Variants in CHST15 observed in about 807,000 individuals in gnomAD.
CHST15 encodes the protein carbohydrate sulfotransferase 15, also known as B cell RAG associated protein (GALNAC4S-6ST).
CHST15 carries 30 observed loss-of-function variants against 53.6 expected under a neutral mutation model. The ratio of observed to expected loss-of-function variants is 0.56; its 90% confidence interval spans 0.42 to 0.76. The LOEUF (loss-of-function observed/expected upper bound fraction) is 0.76, where lower values mean the gene tolerates loss of function less well. CHST15 is among the 30% of genes least tolerant of loss of function. The probability of loss-of-function intolerance (pLI) is 0.00; values close to 1 mark genes in which losing one functional copy is unlikely to be tolerated. For synonymous variants in CHST15, 296 were observed against 289.8 expected (o/e 1.02, Z -0.22); for missense variants, 627 against 740.5 (o/e 0.85, Z 1.78).
Position 124,060,912 on chromosome 10 carries a change from G to A in CHST15, c.-512-14188C>T, listed in dbSNP as rs981044297. Among the ~76,000 whole-genome samples, 5 of 152,146 alleles carry A rather than the reference G, an allele frequency of 3.3e-5. No individual in the cohort carries two copies. In the East Asian group the frequency reaches 7.7e-4, roughly 23 times the overall value. ...GAAAGTTTGAGAAGCACTGGTGTAGGGAGAAAGGGAAAGGAACCAGGATGA... is the reference window on the plus strand; with the variant it reads ...GAAAGTTTGAGAAGCACTGGTGTAGAGAGAAAGGGAAAGGAACCAGGATGA... On this transcript the variant is annotated intron_variant, in intron 1 of 7. Transcript: ENST00000435907.
In CHST15 at chr10:124,008,279, C is replaced by A. The variant is rs951216371; in HGVS notation, c.*1870G>T. ...ATCTATAAAAGGGTTGTGTCCAGAG[C>A]GGAGGAGCCTCATTAGCAACTGAAC... On this transcript the variant is annotated 3_prime_UTR_variant, in exon 8 of 8. Coordinates refer to ENST00000435907, the MANE Select transcript of CHST15 (RefSeq NM_001270764.2). 9.5e-6 allele frequency: 11 copies of A among 1,157,014 alleles called. No homozygotes were observed. The highest frequency in any genetic ancestry group is 6.4e-5 in the African/African-American group (4 of 62,784). 71.7% of individuals were successfully genotyped at this position (1,157,014 alleles called of 1,614,324 possible). A position where few individuals can be genotyped will look rare whatever the true frequency, so the allele number is the denominator to read the frequency against.
intron 3 of CHST15, among the ~76,000 whole-genome samples, chr10:124,043,814 G>A (rs1423179370): frequency 6.6e-6 from 1 of 152,238 alleles, no homozygotes; most frequent in African/African-American, 2.4e-5. Flanking sequence ...GCTGAGGCCT[G>A]AAGCAACTCA....
At chr10:124,027,191 T>G (rs960747121) in intron 5 of CHST15, among the ~76,000 whole-genome samples, 1 of 152,126 alleles carries the variant, frequency 6.6e-6, no homozygotes, top group African/African-American at 2.4e-5. Context: ...CCCCTCACAC[T>G]GGGCCCGTGC....
intron 1 of CHST15, among the ~76,000 whole-genome samples, chr10:124,056,952 T>C (rs2134074752): frequency 6.6e-6 from 1 of 151,706 alleles, no homozygotes; most frequent in East Asian, 1.9e-4. Context: ...GGCCCAGGCC[T>C]GTACGACCGG....
chr10:124,086,641 G>T (rs1167850989), intron 1 of CHST15, among the ~76,000 whole-genome samples: 2 of 149,340 alleles, frequency 1.3e-5, no homozygotes, highest in Non-Finnish European at 3.0e-5. Context: ...ATCGCATGTG[G>T]ATTTCCACCT....
intron 6 of CHST15, among the ~76,000 whole-genome samples, chr10:124,015,819 G>T (rs1051145911): frequency 6.6e-6 from 1 of 152,234 alleles, no homozygotes; most frequent in Non-Finnish European, 1.5e-5. Flanking sequence ...TGTGATGCAT[G>T]CAATGGAGAA....
At chr10:124,086,875 C>T (rs969731947) in intron 1 of CHST15, among the ~76,000 whole-genome samples, 43 of 152,270 alleles carry the variant, frequency 2.8e-4, no homozygotes, top group African/African-American at 9.6e-4. Flanking sequence ...AGTAATGGGA[C>T]GAAGCAGCAC....
intron 1 of CHST15, among the ~76,000 whole-genome samples, chr10:124,058,046 C>G (rs1948439877): frequency 6.6e-6 from 1 of 152,124 alleles, no homozygotes; most frequent in South Asian, 2.1e-4. Context: ...TTTCTGAAAC[C>G]AAGTGGAGAG....
Position 124,036,666 on chromosome 10 carries a change from A to G in CHST15, c.1190+1849T>C, listed in dbSNP as rs1191707950. ...ACTGTCCTGTCACACCCATGTGCAC[A>G]CACACACACACACACACTTATTTGC... is the stretch of plus-strand genomic sequence containing the variant. On this transcript the variant is annotated intron_variant, in intron 5 of 7. Coordinates refer to ENST00000435907, the MANE Select transcript of CHST15 (RefSeq NM_001270764.2). This position sits in a 1 kb window ranked among gnomAD's most constrained non-coding sequence, Gnocchi z 5.1. Among the ~76,000 whole-genome samples, 1 of 151,876 alleles carries G rather than the reference A, an allele frequency of 6.6e-6. No individual in the cohort carries two copies. Among genetic ancestry groups the G allele is most frequent in the African/African-American group, 2.4e-5 (1 of 41,352 alleles).
intron 1 of CHST15, among the ~76,000 whole-genome samples, chr10:124,069,367 A>AC (rs60053494): frequency 0.016 from 2,259 of 141,894 alleles, 32 homozygotes; most frequent in African/African-American, 0.035. Context: ...TGTTTGGGGG[A>AC]CCCCCCCCCC....
At chr10:124,033,661 G>C (rs979288048) in intron 5 of CHST15, among the ~76,000 whole-genome samples, 26 of 152,232 alleles carry the variant, frequency 1.7e-4, no homozygotes, top group African/African-American at 6.0e-4. Flanking sequence ...CCATACCGGA[G>C]AGGCCCTGTG....
At chr10:124,058,335 T>C (rs796414750) in intron 1 of CHST15, among the ~76,000 whole-genome samples, 25 of 152,334 alleles carry the variant, frequency 1.6e-4, no homozygotes, top group African/African-American at 6.0e-4. Context: ...GATAGTCCAG[T>C]GTCTGCCACT....
At chr10:124,083,475 G>A (rs780507319) in intron 1 of CHST15, among the ~76,000 whole-genome samples, 5 of 152,154 alleles carry the variant, frequency 3.3e-5, no homozygotes, top group African/African-American at 9.7e-5. Flanking sequence ...TTCTATTGTC[G>A]ATAGGTGAGC....
intron 1 of CHST15, among the ~76,000 whole-genome samples, chr10:124,056,923 G>A (rs953611997): frequency 2.6e-5 from 4 of 151,612 alleles, no homozygotes; most frequent in Non-Finnish European, 5.9e-5. Context: ...GCCTGGGCCC[G>A]TACGACCGGA....
chr10:124,060,471 G>A (rs1429770744), intron 1 of CHST15, among the ~76,000 whole-genome samples: 1 of 149,258 alleles, frequency 6.7e-6, no homozygotes, highest in Non-Finnish European at 1.5e-5. Flanking sequence ...GGTGTGTGGA[G>A]GTGTGCCAGC....
intron 1 of CHST15, among the ~76,000 whole-genome samples, chr10:124,087,857 C>G (rs1283522684): frequency 1.3e-5 from 2 of 152,204 alleles, no homozygotes; most frequent in Non-Finnish European, 2.9e-5. Flanking sequence ...ATGGGCACAG[C>G]GGAGCTGCTC....
chr10:124,034,721 CA>C (rs1947372051), intron 5 of CHST15, among the ~76,000 whole-genome samples: 2 of 132,104 alleles, frequency 1.5e-5, no homozygotes, highest in African/African-American at 2.9e-5. Context: ...ACCCCGGCTC[CA>C]CCCCCTAACA....
At chr10:124,089,034 T>C (rs551793254) in intron 1 of CHST15, among the ~76,000 whole-genome samples, 3 of 152,320 alleles carry the variant, frequency 2.0e-5, no homozygotes, top group South Asian at 4.1e-4. Flanking sequence ...AATGAAGAAA[T>C]GCCTTGAGCA....
intron 1 of CHST15, among the ~76,000 whole-genome samples, chr10:124,082,434 T>G (rs1267505546): frequency 6.6e-6 from 1 of 152,202 alleles, no homozygotes; most frequent in Admixed American, 6.5e-5. Flanking sequence ...GACAATTCAG[T>G]ATCTCAGCCA....
Sources: gnomAD v4.1 joint callset for allele counts (sites outside exome capture counted in the v4.1 genomes callset) on GRCh38, gnomAD v4.1.1 for gene constraint, Gnocchi (gnomAD v3.1) non-coding constraint, MANE v1.5 for transcripts, NCBI Gene and HGNC (gene_info 2026-07-23, HGNC 2026-07-21) for gene names.